GGT1: variants seen among roughly 807,000 people sequenced by gnomAD.
GGT1 encodes glutathione hydrolase 1 proenzyme.
A neutral mutation model predicts 56.0 loss-of-function variants in GGT1; 21 were observed. The ratio of observed to expected loss-of-function variants is 0.38; its 90% CI spans 0.27 to 0.54. The LOEUF (loss-of-function observed/expected upper bound fraction) is 0.54, where lower values mean the gene tolerates loss of function less well. Among genes scored for constraint, GGT1 ranks in the 20% least tolerant of loss-of-function variants. The pLI, the probability that GGT1 is intolerant of heterozygous loss-of-function variation, is 0.82. For missense variants in GGT1, 466 were observed against 787.0 expected (o/e 0.59, Z 4.88); for synonymous variants, 238 against 342.6 (o/e 0.69, Z 3.37).
At chr22:24,603,014 A>G (rs544142012), upstream of GGT1, 1 of 152,314 alleles carries the variant, frequency 6.6e-6, no homozygotes, top group African/African-American at 2.4e-5. Context: ...CACCGGGCTC[A>G]GAGACACCTG....
intron 11 of GGT1, 38 bp downstream of exon 11, chr22:24,623,954 C>T: frequency 6.2e-7 from 1 of 1,609,816 alleles, no homozygotes; most frequent in Non-Finnish European, 8.5e-7. Flanking sequence ...GGTGTGGGGC[C>T]TGCCATAGAG....
At chr22:24,626,691 G>C (rs2047799498) in intron 11 of GGT1, among the ~76,000 whole-genome samples, 1 of 151,030 alleles carries the variant, frequency 6.6e-6, no homozygotes, top group African/African-American at 2.4e-5. Flanking sequence ...CCTCCCCTTT[G>C]GGCTTTATCC....
chr22:24,606,004 TA>T (rs1006103102), intron 1 of GGT1, among the ~76,000 whole-genome samples: 1 of 60,734 alleles, frequency 1.6e-5, no homozygotes, highest in South Asian at 4.0e-4. Context: ...ATAATTTATA[TA>T]ATATATCATA....
Position 24,606,839 on chromosome 22 carries a change from C to T in GGT1, c.-428-1115C>T, listed in dbSNP as rs561571661. Among the ~76,000 whole-genome samples, 31 of 151,840 alleles carry T rather than the reference C, an allele frequency of 2.0e-4. No homozygotes were observed. In the South Asian group the frequency reaches 6.0e-3, roughly 30 times the overall value. The stretch of plus-strand genomic sequence containing the variant: ...ATGATTGTGGGGTAGGTGTTATGGG[C>T]ACGGAATAGACCTCAGGTGGAGGCT... On this transcript the variant is annotated intron_variant, in intron 1 of 15. Transcript: ENST00000400382.
chr22:24,616,088 T>A (rs2047041964), intron 7 of GGT1: 1 of 145,854 alleles, frequency 6.9e-6, no homozygotes, highest in African/African-American at 2.6e-5. Flanking sequence ...CACTCTAGCT[T>A]GGGCAACAAA....
At chr22:24,591,020 C>T (rs547823954), upstream of GGT1, among the ~76,000 whole-genome samples, 1 of 152,384 alleles carries the variant, frequency 6.6e-6, no homozygotes, top group East Asian at 1.9e-4. Context: ...CTGCCTCACT[C>T]CTCCACTTTC....
At chr22:24,601,915 G>T (rs951163940), upstream of GGT1, among the ~76,000 whole-genome samples, 5 of 152,160 alleles carry the variant, frequency 3.3e-5, no homozygotes, top group African/African-American at 9.7e-5. Context: ...TTCTTCCCAT[G>T]ACCCCTACCC....
In GGT1 at chr22:24,595,455, C is replaced by G. The variant is rs3747117; in HGVS notation, c.-324+569C>G. Among the ~76,000 whole-genome samples, 70 of 152,346 alleles carry G rather than the reference C, an allele frequency of 4.6e-4. No individual in the cohort carries two copies. In the East Asian group the frequency reaches 9.8e-3, roughly 21 times the overall value. Reference sequence around the variant, plus strand: ...CCTGGGGTTACCCTGAGCAGCAGAGCTGTGTTTGTTGAGACTCCATGGGGT... The same window carrying G: ...CCTGGGGTTACCCTGAGCAGCAGAGGTGTGTTTGTTGAGACTCCATGGGGT... On this transcript the variant is annotated intron_variant, in intron 1 of 6. Transcript: ENST00000411974.
rs2046580682 is a variant in GGT1 at position 24,610,482 on chromosome 22, C to T, written c.-57C>T. 1 of 163,414 alleles carries T rather than the reference C, an allele frequency of 6.1e-6. No individual in the cohort carries two copies. Among genetic ancestry groups the T allele is most frequent in the Non-Finnish European group, 1.3e-5 (1 of 74,836 alleles). The allele number at this position is 163,414 out of a possible 1,614,324, so 10.1% of individuals were successfully genotyped here. A position where few individuals can be genotyped will look rare whatever the true frequency, so the allele number is the denominator to read the frequency against. ...ATTTCCACCAAATCCTCCTGTCTTT[C>T]GTGGCCAACACCCCAGGCAAGGCTT... On this transcript the variant is annotated 5_prime_UTR_variant, in exon 4 of 16. Coordinates refer to ENST00000400382, the MANE Select transcript of GGT1 (RefSeq NM_001288833.2).
At chr22:24,592,811 C>A, upstream of GGT1, 2 of 1,265,740 alleles carry the variant, frequency 1.6e-6, no homozygotes, top group Admixed American at 4.1e-5. Flanking sequence ...ACCCCCAGAC[C>A]CCCAGACCCT....
chr22:24,589,953 T>G, upstream of GGT1: 1 of 1,587,442 alleles, frequency 6.3e-7, no homozygotes, highest in Non-Finnish European at 8.6e-7. Context: ...CCAGGTCCTG[T>G]GAGTGGTGAA....
At chr22:24,609,205 G>A (rs1462749901) in intron 2 of GGT1, 1 of 152,182 alleles carries the variant, frequency 6.6e-6, no homozygotes, top group Admixed American at 6.5e-5. Context: ...GAGCCCTCTA[G>A]CTGCTTTCTG....
At chr22:24,625,688 C>A (rs924607547) in intron 11 of GGT1, among the ~76,000 whole-genome samples, 1 of 151,838 alleles carries the variant, frequency 6.6e-6, no homozygotes, top group African/African-American at 2.4e-5. Flanking sequence ...ATTACAGGCG[C>A]CCGCCACACC....
In GGT1 at chr22:24,595,247, G is replaced by C. The variant is rs529025395; in HGVS notation, c.-324+361G>C. On this transcript the variant is annotated intron_variant, in intron 1 of 6. Coordinates refer to the GGT1 transcript ENST00000411974. Reference sequence around the variant, plus strand: ...GGGTGGTGTCTGGGCCTAGATCCTTGGATGGGCTTTTCTCTGCCTGCTTGT... The same window carrying C: ...GGGTGGTGTCTGGGCCTAGATCCTTCGATGGGCTTTTCTCTGCCTGCTTGT... Among the ~76,000 whole-genome samples the C allele has an allele frequency of 2.0e-5, 3 of 152,304 alleles. No individual in the cohort carries two copies. The East Asian group carries it at 5.8e-4, about 29-fold the overall frequency.
rs2047356006 is a variant in GGT1 at position 24,620,611 on chromosome 22, C to T, written c.575+91C>T. On this transcript the variant is annotated intron_variant, in intron 8 of 15. Transcript: ENST00000400382. The surrounding 1 kb of genome is among the most constrained non-coding windows in gnomAD (Gnocchi z 5.6). ...GTAGCAGCAGTGGAGCAGCCCTCTGCCTTCAGGACCCTGTGCTGATAATGG... is the reference window on the plus strand; with the variant it reads ...GTAGCAGCAGTGGAGCAGCCCTCTGTCTTCAGGACCCTGTGCTGATAATGG... 2.5e-6 allele frequency: 4 copies of T among 1,595,458 alleles called. No individual in the cohort carries two copies. The South Asian group carries it at 3.4e-5, about 14-fold the overall frequency.
At position 24,612,248 on chromosome 22, in the gene GGT1, T is replaced by C. The variant is rs2046756103; in HGVS notation, c.164+1003T>C. ...AGCCACCACGCCCGGCTTATTCTTT[T>C]TTTTTTTTTTTTTTTTTGGTTAGGA... On this transcript the variant is annotated intron_variant, in intron 5 of 15. Coordinates refer to ENST00000400382, the MANE Select transcript of GGT1 (RefSeq NM_001288833.2). Among the ~76,000 whole-genome samples, 4 of 133,216 alleles carry C rather than the reference T, an allele frequency of 3.0e-5. No homozygotes were observed. The South Asian group carries it at 8.8e-4, about 29-fold the overall frequency. The allele number at this position is 133,216 out of a possible 152,430, so 87.4% of individuals were successfully genotyped here.
At chr22:24,587,562 C>T in the GGT1 span, among the ~76,000 whole-genome samples, 2 of 152,034 alleles carry the variant, frequency 1.3e-5, no homozygotes, top group Admixed American at 6.5e-5. Context: ...GGTAAGCTCC[C>T]GGCAGCAGTT....
At chr22:24,585,933 T>C in the GGT1 span, 3 of 1,608,052 alleles carry the variant, frequency 1.9e-6, no homozygotes, top group Admixed American at 1.7e-5. Context: ...CCAGCAGCTG[T>C]GGAGTCCCAG....
At chr22:24,592,693 T>G, upstream of GGT1, 1 of 1,198,190 alleles carries the variant, frequency 8.3e-7, no homozygotes. Context: ...AGACCCCGCG[T>G]GCTGCAGCCT....
Sources: gnomAD v4.1 joint callset for allele counts (sites outside exome capture counted in the v4.1 genomes callset) on GRCh38, gnomAD v4.1.1 for gene constraint, Gnocchi (gnomAD v3.1) non-coding constraint, MANE v1.5 for transcripts, NCBI Gene and HGNC (gene_info 2026-07-23, HGNC 2026-07-21) for gene names.